The following DCAF8L2 variants were observed in gnomAD, a reference collection of about 807,000 sequenced individuals.
DCAF8L2 encodes DDB1 and CUL4 associated factor 8 like 2, also known as DDB1- and CUL4-associated factor 8-like protein 2.
For missense variants in DCAF8L2, 430 were observed against 490.7 expected (o/e 0.88, Z 1.17); for synonymous variants, 200 against 190.9 (o/e 1.05, Z -0.39).
rs1242599665 is a variant in DCAF8L2, at chrX:27,627,658, A to G, written c.-341-4221A>G. On this transcript the variant is annotated intron_variant, in intron 1 of 4. Coordinates refer to ENST00000451261, the MANE Select transcript of DCAF8L2 (RefSeq NM_001353450.2). Reference sequence around the variant, plus strand: ...TGCCTGTAATCTCAGCACTTTGGGAAGCTGAGCCAGGTGGATCACGAGGTC... The same window carrying G: ...TGCCTGTAATCTCAGCACTTTGGGAGGCTGAGCCAGGTGGATCACGAGGTC... 4.9e-4 allele frequency among the ~76,000 whole-genome samples: 52 copies of G among 106,861 alleles called. No homozygotes were observed. In the Admixed American group the frequency reaches 5.4e-3, roughly 11 times the overall value. The allele number at this position is 106,861 out of a possible 115,157, so 92.8% of individuals were successfully genotyped here.
the DCAF8L2 span, among the ~76,000 whole-genome samples, chrX:27,510,981 C>T: frequency 3.6e-5 from 4 of 110,935 alleles, no homozygotes; most frequent in East Asian, 1.1e-3. Context: ...TCCTTAGTAT[C>T]ATCACAAGCA....
At chrX:27,659,176 A>G (rs1170620705) in intron 2 of DCAF8L2, among the ~76,000 whole-genome samples, 1 of 112,027 alleles carries the variant, frequency 8.9e-6, no homozygotes, top group Non-Finnish European at 1.9e-5. Flanking sequence ...CTAATACTGA[A>G]CCCTATGTTG....
chrX:27,746,922 C>T lies in DCAF8L2; in HGVS notation c.27C>T (p.Asp9=), dbSNP rs1922201983. The change falls in exon 5 of 5, where the codon GAC becomes GAT. Residue 9 remains aspartate (D), a synonymous_variant. Transcript: ENST00000451261. The part of the protein sequence containing the change: MSHQEGST[D]GLPDLGTESL... ...TGTCCCACCAAGAAGGCAGCACAGA[C>T]GGCTTACCAGACTTAGGGACTGAAA... 1 of 1,204,816 alleles carries T rather than the reference C, an allele frequency of 8.3e-7. No individual in the cohort carries two copies. Among genetic ancestry groups the T allele is most frequent in the Non-Finnish European group, 1.1e-6 (1 of 892,266 alleles).
chrX:27,482,581 A>G, the DCAF8L2 span, among the ~76,000 whole-genome samples: 12 of 111,924 alleles, frequency 1.1e-4, no homozygotes, highest in African/African-American at 3.9e-4. Flanking sequence ...AACAACTTCC[A>G]CAATACCAGA....
At chrX:27,574,733 C>T in the DCAF8L2 span, among the ~76,000 whole-genome samples, 1 of 111,436 alleles carries the variant, frequency 9.0e-6, no homozygotes, top group Non-Finnish European at 1.9e-5. Context: ...TTCCCTTGTC[C>T]CTCTCGCAGG....
At chrX:27,611,605 C>A (rs75358320) in intron 1 of DCAF8L2, among the ~76,000 whole-genome samples, 2 of 109,299 alleles carry the variant, frequency 1.8e-5, no homozygotes, top group Admixed American at 2.0e-4. Context: ...CCCCCCACCC[C>A]ACGACAGGCC....
chrX:27,615,277 A>G (rs901411464), intron 1 of DCAF8L2, among the ~76,000 whole-genome samples: 4 of 111,894 alleles, frequency 3.6e-5, no homozygotes, highest in African/African-American at 1.3e-4. Flanking sequence ...TTTGCCTTAG[A>G]ACTAAAAAGT....
the DCAF8L2 span, among the ~76,000 whole-genome samples, chrX:27,485,291 T>A: frequency 3.6e-5 from 4 of 111,970 alleles, no homozygotes; most frequent in East Asian, 1.1e-3. Flanking sequence ...AAACAAAAGT[T>A]CCACATATTT....
chrX:27,746,040 A>C (rs1456442418), intron 4 of DCAF8L2, among the ~76,000 whole-genome samples: 1 of 112,032 alleles, frequency 8.9e-6, no homozygotes, highest in African/African-American at 3.2e-5. Flanking sequence ...AAATAGGTGA[A>C]GCAATTACTC....
intron 1 of DCAF8L2, among the ~76,000 whole-genome samples, chrX:27,592,965 A>C (rs1455477195): frequency 9.1e-6 from 1 of 109,646 alleles, no homozygotes; most frequent in Non-Finnish European, 1.9e-5. Context: ...CACCCAGCTA[A>C]TTTTTGTATT....
intron 2 of DCAF8L2, chrX:27,633,248 T>C (rs904887332): frequency 3.6e-5 from 4 of 112,125 alleles, no homozygotes; most frequent in Admixed American, 1.9e-4. Flanking sequence ...TGTGTTCAAT[T>C]GGGTTGAGAT....
intron 4 of DCAF8L2, among the ~76,000 whole-genome samples, chrX:27,735,940 A>G (rs1158864277): frequency 8.9e-6 from 1 of 112,015 alleles, no homozygotes; most frequent in Non-Finnish European, 1.9e-5. Flanking sequence ...CATCAAAAGT[A>G]CTAAAAACAA....
At chrX:27,708,321 A>G (rs1170845937) in intron 3 of DCAF8L2, among the ~76,000 whole-genome samples, 1 of 112,024 alleles carries the variant, frequency 8.9e-6, no homozygotes, top group African/African-American at 3.2e-5. Flanking sequence ...TGCAAAGGAC[A>G]TGATTTCATT....
upstream of DCAF8L2, among the ~76,000 whole-genome samples, chrX:27,586,312 G>GTA (rs201885838): frequency 2.7e-3 from 300 of 110,426 alleles, 1 homozygote; most frequent in African/African-American, 6.5e-3. Flanking sequence ...TGGGTCATAG[G>GTA]TATATATATA....
chrX:27,587,988 ATATATAT>A (rs1569152525), upstream of DCAF8L2, among the ~76,000 whole-genome samples: 236 of 13,224 alleles, frequency 0.018, 11 homozygotes, highest in East Asian at 0.082. Flanking sequence ...AAAAAAAAAT[ATATATAT>A]ATATATATAT....
intron 4 of DCAF8L2, among the ~76,000 whole-genome samples, chrX:27,728,469 C>T (rs1921005982): frequency 9.0e-6 from 1 of 111,212 alleles, no homozygotes; most frequent in Non-Finnish European, 1.9e-5. Context: ...GGCAAGACAT[C>T]TCACCATCCT....
At chrX:27,606,253 T>C (rs1926868414) in intron 1 of DCAF8L2, among the ~76,000 whole-genome samples, 1 of 84,409 alleles carries the variant, frequency 1.2e-5, no homozygotes, top group South Asian at 4.9e-4. Flanking sequence ...ATAGGAATTA[T>C]ATATATATAT....
At chrX:27,629,416 CTCTT>C (rs920608658) in intron 1 of DCAF8L2, among the ~76,000 whole-genome samples, 2 of 111,102 alleles carry the variant, frequency 1.8e-5, no homozygotes, top group Non-Finnish European at 3.8e-5. Flanking sequence ...CTTTCTCTCT[CTCTT>C]TTTCTTTCTC....
chrX:27,653,754 ACACACAC>A (rs1422203456), intron 2 of DCAF8L2, among the ~76,000 whole-genome samples: 2 of 107,650 alleles, frequency 1.9e-5, no homozygotes, highest in East Asian at 6.3e-4. Flanking sequence ...ACACACACAC[ACACACAC>A]AACATATATT....
Sources: gnomAD v4.1 joint callset for allele counts (sites outside exome capture counted in the v4.1 genomes callset) on GRCh38, gnomAD v4.1.1 for gene constraint, MANE v1.5 for transcripts, NCBI Gene and HGNC (gene_info 2026-07-23, HGNC 2026-07-21) for gene names.